ANXA4: variants seen among roughly 807,000 people sequenced by gnomAD.
ANXA4 encodes 35-beta calcimedin.
A neutral mutation model predicts 49.8 loss-of-function variants in ANXA4; 39 were observed. The observed-to-expected ratio is 0.78, with a 90% CI of 0.61 to 1.02. The LOEUF (loss-of-function observed/expected upper bound fraction) is 1.02, where lower values mean the gene tolerates loss of function less well. Ranked by LOEUF, ANXA4 falls within the 50% of genes least tolerant of loss-of-function variation. The pLI, the probability that ANXA4 is intolerant of heterozygous loss-of-function variation, is 0.00. For missense variants in ANXA4, 360 were observed against 410.1 expected (o/e 0.88, Z 1.05); for synonymous variants, 134 against 152.5 (o/e 0.88, Z 0.89).
intron 3 of ANXA4, among the ~76,000 whole-genome samples, chr2:69,789,005 A>T (rs551863447): frequency 1.3e-5 from 2 of 152,272 alleles, no homozygotes; most frequent in Non-Finnish European, 2.9e-5. Flanking sequence ...TGATAAATTT[A>T]ATATACTCAT....
chr2:69,812,733 C>T (rs1200843851), intron 8 of ANXA4, 24 bp downstream of exon 8: 1 of 1,612,158 alleles, frequency 6.2e-7, no homozygotes, highest in Non-Finnish European at 8.5e-7. Flanking sequence ...CAGCTTCTTT[C>T]TTCCAGCTTT....
chr2:69,798,335 C>T (rs1286614399), intron 3 of ANXA4, among the ~76,000 whole-genome samples: 1 of 152,146 alleles, frequency 6.6e-6, no homozygotes, highest in Non-Finnish European at 1.5e-5. Flanking sequence ...ATAAAAATTC[C>T]TGCAGCATTG....
intron 3 of ANXA4, among the ~76,000 whole-genome samples, chr2:69,724,676 G>T (rs1309681931): frequency 1.8e-5 from 2 of 112,790 alleles, no homozygotes; most frequent in African/African-American, 7.6e-5. Flanking sequence ...TCTGCCAAGA[G>T]ACCTTAGTTC....
intron 2 of ANXA4, among the ~76,000 whole-genome samples, chr2:69,681,567 GT>G (rs1677602802): frequency 6.6e-6 from 1 of 152,018 alleles, no homozygotes; most frequent in Non-Finnish European, 1.5e-5. Context: ...GTTTCACCAT[GT>G]TGGTCCACCT....
chr2:69,710,534 T>C (rs1042364750), intron 2 of ANXA4, among the ~76,000 whole-genome samples: 1 of 152,216 alleles, frequency 6.6e-6, no homozygotes, highest in Non-Finnish European at 1.5e-5. Context: ...TATTTCAGAT[T>C]ATTTCCATAG....
At chr2:69,671,093 G>A (rs1251316874) in intron 2 of ANXA4, among the ~76,000 whole-genome samples, 1 of 149,322 alleles carries the variant, frequency 6.7e-6, no homozygotes, top group Non-Finnish European at 1.5e-5. Context: ...GACCTAAAAT[G>A]TGAAGAGCAA....
Position 69,826,290 on chromosome 2 carries a change from G to A in ANXA4, c.*775G>A, listed in dbSNP as rs115874243. 289 of 152,694 alleles carry A rather than the reference G, an allele frequency of 1.9e-3. 2 individuals are homozygous for A. Among genetic ancestry groups the A allele is most frequent in the African/African-American group, 6.5e-3 (271 of 41,548 alleles). 9.5% of individuals were successfully genotyped at this position (152,694 alleles called of 1,614,324 possible). A position where few individuals can be genotyped will look rare whatever the true frequency, so the allele number is the denominator to read the frequency against. ...ATAAGCTTCAAACTAGGTATTCTGG[G>A]AATGATGTAATGCTCTGAATTTAGT... On this transcript the variant is annotated 3_prime_UTR_variant, in exon 13 of 13. Transcript: ENST00000394295.
At chr2:69,746,985 G>A (rs1446036908) in intron 1 of ANXA4, among the ~76,000 whole-genome samples, 1 of 152,028 alleles carries the variant, frequency 6.6e-6, no homozygotes, top group African/African-American at 2.4e-5. Flanking sequence ...GTGACAGCAA[G>A]ACTCTGTCTC....
intron 1 of ANXA4, among the ~76,000 whole-genome samples, chr2:69,758,260 A>G (rs1462777933): frequency 1.3e-5 from 2 of 152,180 alleles, no homozygotes; most frequent in African/African-American, 4.8e-5. Flanking sequence ...TGATCTGCCC[A>G]TCTTGGCTTC....
chr2:69,718,704 T>C (rs1268168061), intron 2 of ANXA4, among the ~76,000 whole-genome samples: 1 of 151,844 alleles, frequency 6.6e-6, no homozygotes, highest in Admixed American at 6.6e-5. Context: ...TGCATGCACA[T>C]GCGCACACAT....
At chr2:69,673,905 G>A (rs1677295376) in intron 2 of ANXA4, 1 of 151,880 alleles carries the variant, frequency 6.6e-6, no homozygotes, top group Non-Finnish European at 1.5e-5. Context: ...TATGAGGCTG[G>A]ACTGAATCTG....
chr2:69,728,703 T>C (rs1670023635), intron 3 of ANXA4, among the ~76,000 whole-genome samples: 1 of 152,256 alleles, frequency 6.6e-6, no homozygotes, highest in Non-Finnish European at 1.5e-5. Flanking sequence ...CTGCCCTCTG[T>C]CTTCCATTCC....
intron 4 of ANXA4, among the ~76,000 whole-genome samples, chr2:69,805,000 T>C (rs1427590999): frequency 7.9e-6 from 1 of 126,330 alleles, no homozygotes; most frequent in African/African-American, 3.1e-5. Flanking sequence ...TGAGCCAAGA[T>C]CATGCCACTT....
At chr2:69,800,269 C>CT (rs1304330377) in intron 3 of ANXA4, among the ~76,000 whole-genome samples, 5 of 148,940 alleles carry the variant, frequency 3.4e-5, no homozygotes, top group East Asian at 4.0e-4. Flanking sequence ...TAGGACCCAC[C>CT]TTTTTTTTCA....
intron 3 of ANXA4, among the ~76,000 whole-genome samples, chr2:69,797,755 AG>A (rs777037188): frequency 6.6e-6 from 1 of 152,206 alleles, no homozygotes; most frequent in Non-Finnish European, 1.5e-5. Flanking sequence ...TTGGTTTTGG[AG>A]GACATGTTCC....
At chr2:69,714,521 G>C (rs1678809179) in intron 2 of ANXA4, among the ~76,000 whole-genome samples, 1 of 152,216 alleles carries the variant, frequency 6.6e-6, no homozygotes. Context: ...CCAGCCTGCT[G>C]TCCACAGTGT....
At chr2:69,671,933 T>C (rs1296565068) in intron 2 of ANXA4, among the ~76,000 whole-genome samples, 1 of 152,168 alleles carries the variant, frequency 6.6e-6, no homozygotes, top group Non-Finnish European at 1.5e-5. Context: ...TACAACTAAT[T>C]TGCAAAACAG....
chr2:69,658,896 C>T (rs1008524126), intron 2 of ANXA4, among the ~76,000 whole-genome samples: 1 of 152,192 alleles, frequency 6.6e-6, no homozygotes, highest in African/African-American at 2.4e-5. Flanking sequence ...CGGGGTTTCA[C>T]CATGTTGGTC....
chr2:69,780,720 C>A (rs950427208), intron 1 of ANXA4, among the ~76,000 whole-genome samples: 2 of 151,970 alleles, frequency 1.3e-5, no homozygotes, highest in African/African-American at 4.8e-5. Context: ...CCAGCCTGGA[C>A]AATGGAGGGA....
Sources: gnomAD v4.1 joint callset for allele counts (sites outside exome capture counted in the v4.1 genomes callset) on GRCh38, gnomAD v4.1.1 for gene constraint, MANE v1.5 for transcripts, NCBI Gene and HGNC (gene_info 2026-07-23, HGNC 2026-07-21) for gene names.